TNRC6B: variants seen among roughly 807,000 people sequenced by gnomAD.
The protein encoded by TNRC6B is trinucleotide repeat-containing gene 6B protein.
A neutral mutation model predicts 203.6 loss-of-function variants in TNRC6B; 52 were observed. The ratio of observed to expected loss-of-function variants is 0.26; its 90% confidence interval spans 0.20 to 0.32. The LOEUF is 0.32. Ranked by LOEUF, TNRC6B falls within the 10% of genes least tolerant of loss-of-function variation. The pLI, the probability that TNRC6B is intolerant of heterozygous loss-of-function variation, is 1.00. For synonymous variants in TNRC6B, 838 were observed against 845.7 expected (o/e 0.99, Z 0.16); for missense variants, 1,923 against 2,286.2 (o/e 0.84, Z 3.24).
chr22:40,175,202 C>T (rs973636485), upstream of TNRC6B, among the ~76,000 whole-genome samples: 1 of 151,772 alleles, frequency 6.6e-6, no homozygotes, highest in Non-Finnish European at 1.5e-5. Flanking sequence ...ATTAAAAATA[C>T]AAAAATTATC....
intron 12 of TNRC6B, among the ~76,000 whole-genome samples, chr22:40,295,484 A>G (rs1160673598): frequency 6.6e-6 from 1 of 152,072 alleles, no homozygotes; most frequent in East Asian, 1.9e-4. Context: ...CAAAAAAAAA[A>G]AAAAAAAGAA....
At position 40,166,684 on chromosome 22, in the gene TNRC6B, C is replaced by T. The variant is rs143748427; in HGVS notation, c.113+10502C>T. 9.9e-3 allele frequency among the ~76,000 whole-genome samples: 1,499 copies of T among 152,106 alleles called. 22 individuals carry two copies. Among genetic ancestry groups the T allele is most frequent in the African/African-American group, 0.035 (1,441 of 41,498 alleles). On this transcript the variant is annotated intron_variant, in intron 4 of 23. Coordinates refer to the TNRC6B transcript ENST00000301923. ...GACCAAAGTGGGCAGATCACGAGGT[C>T]AGGAGTTTGAGACCAGCCTGGCCAA...
At chr22:40,286,731 C>T (rs2070788702) in intron 12 of TNRC6B, among the ~76,000 whole-genome samples, 1 of 152,132 alleles carries the variant, frequency 6.6e-6, no homozygotes, top group Admixed American at 6.5e-5. Context: ...AGGAGATGTG[C>T]AAAGAGATGG....
At chr22:40,075,156 A>ATTTTTTTTTTTTTTTTTTT (rs58240994) in intron 1 of TNRC6B, among the ~76,000 whole-genome samples, 46 of 35,562 alleles carry the variant, frequency 1.3e-3, no homozygotes, top group Admixed American at 1.9e-3. Context: ...ATATATATAT[A>ATTTTTTTTTTTTTTTTTTT]TTTTTTTTTT....
rs190502052 is a variant in TNRC6B, at chr22:40,187,783, A to G, written c.5+9643A>G. Among the ~76,000 whole-genome samples the G allele has an allele frequency of 3.3e-3, 502 of 152,284 alleles. 2 individuals carry two copies. Among genetic ancestry groups the G allele is most frequent in the Middle Eastern group, 0.014 (4 of 294 alleles). ...ACTTTTTGCCGACCTGGGCCAATTG[A>G]ACGCATATTTACTAAATATGGGTGG... On this transcript the variant is annotated intron_variant, in intron 1 of 22. Coordinates refer to ENST00000454349, the MANE Select transcript of TNRC6B (RefSeq NM_001162501.2).
At chr22:40,209,149 A>G (rs2069525477) in intron 1 of TNRC6B, among the ~76,000 whole-genome samples, 1 of 152,208 alleles carries the variant, frequency 6.6e-6, no homozygotes, top group South Asian at 2.1e-4. Flanking sequence ...CATGTCAGCC[A>G]TTTAATTTTG....
intron 1 of TNRC6B, among the ~76,000 whole-genome samples, chr22:40,237,066 G>A (rs1298862145): frequency 1.3e-5 from 2 of 152,206 alleles, no homozygotes; most frequent in Non-Finnish European, 2.9e-5. Context: ...TCGGGAGGCT[G>A]AGACAGGAGA....
chr22:40,273,555 C>T lies in TNRC6B; in HGVS notation c.3096C>T (p.Ser1032=). ...NTTGSQGSAS[S]HNSASWGQGG... ...CTGGCTCTCAGGGCAGTGCTTCCTC[C>T]CACAACTCAGCAAGCTGGGGACAAG... The change falls in exon 7 of 23, where the codon TCC becomes TCT. Residue 1032 remains serine (S), a synonymous_variant. Coordinates refer to ENST00000454349, the MANE Select transcript of TNRC6B (RefSeq NM_001162501.2). 6.3e-7 allele frequency: 1 copy of T among 1,590,894 alleles called. No individual in the cohort carries two copies. Among genetic ancestry groups the T allele is most frequent in the South Asian group, 1.1e-5 (1 of 87,372 alleles).
chr22:40,046,828 G>GT (rs2067692290), intron 1 of TNRC6B, among the ~76,000 whole-genome samples: 1 of 151,822 alleles, frequency 6.6e-6, no homozygotes, highest in Non-Finnish European at 1.5e-5. Context: ...TGTATTTTTA[G>GT]TAGAGACGGC....
At chr22:40,230,195 AAAG>A (rs2069848045) in intron 1 of TNRC6B, among the ~76,000 whole-genome samples, 1 of 151,942 alleles carries the variant, frequency 6.6e-6, no homozygotes, top group Non-Finnish European at 1.5e-5. Context: ...CATAATCACT[AAAG>A]AAGTTGAATA....
chr22:40,061,206 T>C, intron 1 of TNRC6B, among the ~76,000 whole-genome samples: 1 of 152,144 alleles, frequency 6.6e-6, no homozygotes, highest in East Asian at 1.9e-4. Flanking sequence ...GTATGTCCGC[T>C]GTTGTTGGAT....
intron 3 of TNRC6B, among the ~76,000 whole-genome samples, chr22:40,152,834 CT>C (rs2068771257): frequency 6.6e-6 from 1 of 151,826 alleles, no homozygotes; most frequent in African/African-American, 2.4e-5. Flanking sequence ...GGTGTGGTGG[CT>C]CACACCTATA....
At chr22:40,091,293 C>G (rs1040494501) in intron 1 of TNRC6B, among the ~76,000 whole-genome samples, 55 of 152,066 alleles carry the variant, frequency 3.6e-4, no homozygotes, top group African/African-American at 1.2e-3. Context: ...CTTGCTAACA[C>G]TACATTAACC....
Position 40,265,991 on chromosome 22 carries a change from C to G in TNRC6B, c.1761C>G (p.Asn587Lys). 1.2e-6 allele frequency: 2 copies of G among 1,613,930 alleles called. No homozygotes were observed. The highest frequency in any genetic ancestry group is 2.2e-5 in the South Asian group (2 of 91,090). The change falls in exon 5 of 23, where the codon AAC becomes AAG. Residue 587 changes from asparagine to lysine, a missense_variant. This residue lies in a region of TNRC6B where 614 missense variants were observed against 587.7 expected (regional missense o/e 1.04). Coordinates refer to ENST00000454349, the MANE Select transcript of TNRC6B (RefSeq NM_001162501.2). ...NHKAGSSDSHNSGRRSYRPTH... is the reference protein window; with the variant it reads ...NHKAGSSDSHKSGRRSYRPTH... ...AAGCAGGAAGTAGTGACAGTCATAA[C>G]TCTGGCCGTCGGTCGTACAGGCCCA...
At chr22:40,091,096 C>T (rs1311795004) in intron 1 of TNRC6B, among the ~76,000 whole-genome samples, 2 of 152,152 alleles carry the variant, frequency 1.3e-5, no homozygotes, top group African/African-American at 2.4e-5. Flanking sequence ...ATTCTCCTGC[C>T]TCAGCCTCCT....
chr22:40,089,389 C>T (rs1444857929), intron 1 of TNRC6B, among the ~76,000 whole-genome samples: 1 of 152,066 alleles, frequency 6.6e-6, no homozygotes, highest in Non-Finnish European at 1.5e-5. Context: ...CACACTACCA[C>T]ACCCAGCTAA....
chr22:40,051,765 G>A (rs1395388149), intron 1 of TNRC6B, among the ~76,000 whole-genome samples: 1 of 152,108 alleles, frequency 6.6e-6, no homozygotes, highest in Admixed American at 6.5e-5. Context: ...TTTTCTAGTA[G>A]CTACATTAAA....
chr22:40,245,711 C>CGTGT (rs66501173), intron 1 of TNRC6B, among the ~76,000 whole-genome samples: 2 of 151,012 alleles, frequency 1.3e-5, no homozygotes, highest in South Asian at 2.1e-4. Flanking sequence ...GGAAATTAAT[C>CGTGT]GTGTGTGTGT....
At chr22:40,279,554 A>T (rs569771760) in intron 9 of TNRC6B, among the ~76,000 whole-genome samples, 5 of 152,276 alleles carry the variant, frequency 3.3e-5, no homozygotes, top group Non-Finnish European at 7.4e-5. Flanking sequence ...ATTCCTTGTA[A>T]CTATGTTTCA....
Sources: allele counts gnomAD v4.1 joint callset (sites outside exome capture counted in the v4.1 genomes callset), GRCh38; gene constraint gnomAD v4.1.1; regional missense constraint gnomAD v4.1.1; transcripts MANE v1.5; gene names NCBI Gene and HGNC (gene_info 2026-07-23, HGNC 2026-07-21).